Variants in AFF3 observed in about 807,000 individuals in gnomAD.
AFF3 encodes the protein ALF transcription elongation factor 3, also known as AF4/FMR2 family member 3.
AFF3 carries 32 observed loss-of-function variants against 129.7 expected under a neutral mutation model. That is an observed-to-expected ratio of 0.25 (90% CI 0.19 to 0.33). AFF3 has a LOEUF of 0.33. Ranked by LOEUF, AFF3 falls within the 10% of genes least tolerant of loss-of-function variation. The pLI, the probability that AFF3 is intolerant of heterozygous loss-of-function variation, is 1.00. For missense variants in AFF3, 1,373 were observed against 1,592.0 expected (o/e 0.86, Z 2.34); for synonymous variants, 644 against 635.4 (o/e 1.01, Z -0.20).
At chr2:99,837,572 C>T in intron 7 of AFF3, 48 bp from the exon 8 acceptor site, 1 of 1,562,414 alleles carries the variant, frequency 6.4e-7, no homozygotes, top group Non-Finnish European at 8.8e-7. Context: ...AGATTGATGA[C>T]CACACAGAAG....
At chr2:100,099,743 A>G (rs1690575863) in intron 4 of AFF3, among the ~76,000 whole-genome samples, 1 of 152,242 alleles carries the variant, frequency 6.6e-6, no homozygotes, top group Non-Finnish European at 1.5e-5. Context: ...TGCATCCTGT[A>G]CAGCAGGGTT....
intron 7 of AFF3, among the ~76,000 whole-genome samples, chr2:99,892,776 C>T (rs756052549): frequency 6.6e-6 from 1 of 152,244 alleles, no homozygotes; most frequent in African/African-American, 2.4e-5. Context: ...CTCTGTAGCA[C>T]TGCAGGCCCT....
intron 4 of AFF3, among the ~76,000 whole-genome samples, chr2:100,073,925 T>C (rs1688391898): frequency 6.6e-6 from 1 of 152,034 alleles, no homozygotes; most frequent in South Asian, 2.1e-4. Flanking sequence ...AATGAGAAAT[T>C]GTTAAATTAC....
intron 7 of AFF3, among the ~76,000 whole-genome samples, chr2:99,901,813 AT>A (rs2106147106): frequency 6.6e-6 from 1 of 151,116 alleles, no homozygotes; most frequent in South Asian, 2.1e-4. Flanking sequence ...CAGTCTGATT[AT>A]GTTGCTCCCT....
chr2:99,743,446 G>T (rs1680884547), intron 10 of AFF3, among the ~76,000 whole-genome samples: 1 of 152,196 alleles, frequency 6.6e-6, no homozygotes, highest in Non-Finnish European at 1.5e-5. Flanking sequence ...CCCAGTCTTT[G>T]TGAGTGTGCT....
chr2:99,635,654 G>C (rs576700030), intron 13 of AFF3, among the ~76,000 whole-genome samples: 6 of 152,224 alleles, frequency 3.9e-5, no homozygotes, highest in Admixed American at 3.9e-4. Flanking sequence ...GATCTCTCAG[G>C]CATCTAGCTC....
At chr2:99,620,793 G>A (rs945585075) in intron 13 of AFF3, among the ~76,000 whole-genome samples, 6 of 152,170 alleles carry the variant, frequency 3.9e-5, no homozygotes, top group African/African-American at 1.2e-4. Context: ...CCCAGGTAAT[G>A]AGTGAGTTCT....
At chr2:100,039,858 T>C (rs979165128) in intron 4 of AFF3, among the ~76,000 whole-genome samples, 3 of 152,166 alleles carry the variant, frequency 2.0e-5, no homozygotes, top group Non-Finnish European at 4.4e-5. Context: ...TGTGCTCACA[T>C]TCAGTACAGA....
intron 8 of AFF3, among the ~76,000 whole-genome samples, chr2:99,815,126 C>T (rs762736620): frequency 1.1e-5 from 1 of 91,952 alleles, no homozygotes; most frequent in African/African-American, 4.9e-5. Flanking sequence ...CATCCAGGGG[C>T]AGGGGAGGAA....
intron 4 of AFF3, among the ~76,000 whole-genome samples, chr2:100,017,001 T>C (rs1002661104): frequency 8.6e-5 from 13 of 151,598 alleles, no homozygotes; most frequent in African/African-American, 2.9e-4. Context: ...ATGGTGGTGG[T>C]TGTGATAATG....
intron 7 of AFF3, among the ~76,000 whole-genome samples, chr2:99,956,592 C>A (rs1456360626): frequency 1.3e-5 from 2 of 152,160 alleles, no homozygotes; most frequent in Non-Finnish European, 2.9e-5. Context: ...CTTGTTTTTA[C>A]ATTAAAATAA....
chr2:99,689,933 A>G (rs1449416079), intron 11 of AFF3, among the ~76,000 whole-genome samples: 2 of 150,616 alleles, frequency 1.3e-5, no homozygotes, highest in South Asian at 4.2e-4. Flanking sequence ...CCAAAAATAC[A>G]AAAATTAGCT....
intron 18 of AFF3, 114 bp from the exon 19 acceptor site, chr2:99,569,029 G>A (rs1453853353): frequency 1.8e-5 from 18 of 973,674 alleles, no homozygotes; most frequent in Non-Finnish European, 2.4e-5. Context: ...TGCTTAATGC[G>A]GAATTAAGTG....
At chr2:99,737,565 T>C (rs1680358515) in intron 10 of AFF3, among the ~76,000 whole-genome samples, 1 of 152,100 alleles carries the variant, frequency 6.6e-6, no homozygotes, top group Admixed American at 6.6e-5. Flanking sequence ...TGTAAGTTGG[T>C]TGAGTTGTTG....
chr2:99,961,153 C>G (rs1379925743), intron 7 of AFF3, among the ~76,000 whole-genome samples: 1 of 152,132 alleles, frequency 6.6e-6, no homozygotes, highest in Non-Finnish European at 1.5e-5. Flanking sequence ...GCTCTTCTCC[C>G]ACTAACATCT....
chr2:99,638,772 T>A (rs1170383415), intron 13 of AFF3, among the ~76,000 whole-genome samples: 1 of 152,146 alleles, frequency 6.6e-6, no homozygotes, highest in African/African-American at 2.4e-5. Context: ...ACCGCCTGTT[T>A]TTCCTGTTTT....
At chr2:100,105,639 T>C in intron 2 of AFF3, 56 bp from the exon 3 acceptor site, 1 of 1,340,990 alleles carries the variant, frequency 7.5e-7, no homozygotes. Flanking sequence ...ATAATCTCCC[T>C]CATTGTAAAG....
intron 7 of AFF3, among the ~76,000 whole-genome samples, chr2:99,960,355 C>T (rs62149271): frequency 0.19 from 28,516 of 151,760 alleles, 3,471 homozygotes; most frequent in African/African-American, 0.34. Flanking sequence ...TCTGAACTTT[C>T]TGGTCATAAA....
At chr2:99,676,326 A>C (rs1687602301) in intron 11 of AFF3, among the ~76,000 whole-genome samples, 2 of 152,144 alleles carry the variant, frequency 1.3e-5, no homozygotes, top group African/African-American at 4.8e-5. Context: ...TCTAGATGTT[A>C]CTTTGTCAAT....
Sources: allele counts gnomAD v4.1 joint callset (sites outside exome capture counted in the v4.1 genomes callset), GRCh38; gene constraint gnomAD v4.1.1; transcripts MANE v1.5; gene names NCBI Gene and HGNC (gene_info 2026-07-23, HGNC 2026-07-21).